The following ZNF333 variants were observed in gnomAD, a reference collection of about 807,000 sequenced individuals.
ZNF333 encodes the protein zinc finger protein 333.
In ZNF333, 61 loss-of-function variants were observed where a neutral mutation model predicts 76.1. The observed-to-expected ratio is 0.80, with a 90% CI of 0.65 to 0.99. The LOEUF is 0.99. Ranked by LOEUF, ZNF333 falls within the 50% of genes least tolerant of loss-of-function variation. The pLI, the probability that ZNF333 is intolerant of heterozygous loss-of-function variation, is 0.00. For synonymous variants in ZNF333, 284 were observed against 305.0 expected, an observed-to-expected ratio of 0.93 and a Z score of 0.72; for missense variants, 717 against 822.4, an observed-to-expected ratio of 0.87 and a Z score of 1.57.
chr19:14,726,399 C>T (rs181568169), downstream of ZNF333, among the ~76,000 whole-genome samples: 60 of 152,274 alleles, frequency 3.9e-4, no homozygotes, highest in African/African-American at 1.3e-3. Context: ...CTTTTAGTCA[C>T]GTTAGTCTCT....
chr19:14,733,597 AAC>A (rs1057219292), exon 12 of ZNF333: 11 of 152,212 alleles, frequency 7.2e-5, no homozygotes, highest in African/African-American at 2.7e-4. Flanking sequence ...CAACAAAAAA[AAC>A]ACAGAAGCAG....
chr19:14,711,412 T>C (rs2042271211), intron 7 of ZNF333, among the ~76,000 whole-genome samples: 2 of 151,802 alleles, frequency 1.3e-5, no homozygotes, highest in South Asian at 4.1e-4. Context: ...TTAAAACACA[T>C]AGAGGCCAGC....
chr19:14,722,605 G>A (rs2147034922), downstream of ZNF333, among the ~76,000 whole-genome samples: 1 of 152,268 alleles, frequency 6.6e-6, no homozygotes, highest in Non-Finnish European at 1.5e-5. Context: ...AGAAGTCTAA[G>A]ATTTTGGTGT....
At chr19:14,691,156 T>C (rs116840019) in intron 1 of ZNF333, among the ~76,000 whole-genome samples, 9 of 152,324 alleles carry the variant, frequency 5.9e-5, no homozygotes, top group African/African-American at 2.2e-4. Context: ...TTTCTTTATT[T>C]TCTATGTTTG....
chr19:14,718,267 G>T lies in ZNF333; in HGVS notation c.940G>T (p.Glu314Ter). The change falls in exon 12 of 12, where the codon GAA becomes TAA. Residue 314 changes from glutamate (E) to a stop codon, truncating the protein, a stop_gained. Transcript: ENST00000292530. LOFTEE classifies it high-confidence loss of function. ...QPGEKLYKYN[E>*]LEKPFNSIEP... ...TGGAGAAAAACTCTATAAATATAAT[G>T]AACTTGAGAAACCTTTTAACAGCAT... 2 of 1,613,604 alleles carry T rather than the reference G, an allele frequency of 1.2e-6. No individual in the cohort carries two copies. The highest frequency in any genetic ancestry group is 1.7e-6 in the Non-Finnish European group (2 of 1,179,822).
rs144992015 is a variant in ZNF333, at chr19:14,704,528, A to G, written c.307-526A>G. Among the ~76,000 whole-genome samples, 1,270 of 152,286 alleles carry G rather than the reference A, an allele frequency of 8.3e-3. 13 individuals are homozygous for G. Among genetic ancestry groups the G allele is most frequent in the Non-Finnish European group, 0.013 (907 of 68,018 alleles). On this transcript the variant is annotated intron_variant, in intron 5 of 11. Transcript: ENST00000292530. ...ATAAAGACATACCCGAGACTGGGCA[A>G]TTTACAAAAGAGAAAGGTTTAATTG...
intron 4 of ZNF333, 125 bp downstream of exon 4, chr19:14,695,786 G>A (rs1973135556): frequency 5.4e-6 from 4 of 737,526 alleles, no homozygotes; most frequent in South Asian, 3.2e-5. Flanking sequence ...TCGGAGTGAG[G>A]TTTCTCAAGT....
chr19:14,717,142 C>T, intron 10 of ZNF333, 53 bp downstream of exon 10: 3 of 1,498,766 alleles, frequency 2.0e-6, no homozygotes, highest in East Asian at 4.8e-5. Context: ...AGGGGAGTGT[C>T]CAGTTTGGAA....
intron 7 of ZNF333, among the ~76,000 whole-genome samples, chr19:14,714,321 T>A (rs561388574): frequency 6.6e-6 from 1 of 152,112 alleles, no homozygotes; most frequent in East Asian, 1.9e-4. Context: ...TGTGTCCTTA[T>A]GAGAAGAGGA....
At chr19:14,715,038 CGT>C (rs5827254) in intron 7 of ZNF333, 4,036 of 170,090 alleles carry the variant, frequency 0.024, 112 homozygotes, top group African/African-American at 0.076. Flanking sequence ...TGAAGGCGTG[CGT>C]GTGTGTGTGT....
At chr19:14,706,645 G>A (rs778509789) in intron 6 of ZNF333, 41 bp from the exon 7 acceptor site, 4 of 1,566,946 alleles carry the variant, frequency 2.6e-6, no homozygotes. Context: ...GGCCCCCTCA[G>A]CTTCTTGACT....
chr19:14,729,412 G>A (rs574974875), intron 11 of ZNF333, among the ~76,000 whole-genome samples: 1 of 152,064 alleles, frequency 6.6e-6, no homozygotes, highest in South Asian at 2.1e-4. Context: ...AGGTTGGAGT[G>A]CAGTGGTGTG....
At chr19:14,717,268 T>G (rs1239317791) in intron 10 of ZNF333, 179 bp downstream of exon 10, 2 of 570,742 alleles carry the variant, frequency 3.5e-6, no homozygotes, top group East Asian at 5.9e-5. Context: ...TCTCTAAAAC[T>G]TTGCATTCAT....
intron 1 of ZNF333, among the ~76,000 whole-genome samples, chr19:14,693,001 A>G (rs1247865714): frequency 6.6e-6 from 1 of 151,050 alleles, no homozygotes; most frequent in Admixed American, 6.6e-5. Context: ...TAATTTTTGT[A>G]TTTTTAGTAG....
At chr19:14,723,892 C>T (rs1260062324), downstream of ZNF333, among the ~76,000 whole-genome samples, 4 of 152,230 alleles carry the variant, frequency 2.6e-5, no homozygotes, top group African/African-American at 9.6e-5. Flanking sequence ...ATGAAATAGC[C>T]TTTGTTATTA....
intron 10 of ZNF333, chr19:14,717,342 A>G: frequency 1.9e-6 from 1 of 534,960 alleles, no homozygotes; most frequent in Non-Finnish European, 3.3e-6. Flanking sequence ...TATTTTATCC[A>G]TTTCCTCCCC....
chr19:14,725,230 A>T (rs906365042), downstream of ZNF333, among the ~76,000 whole-genome samples: 5 of 152,232 alleles, frequency 3.3e-5, no homozygotes, highest in African/African-American at 1.2e-4. Context: ...AACTGACAGC[A>T]CCATGGGGAT....
intron 7 of ZNF333, chr19:14,708,386 G>C (rs1599727676): frequency 2.5e-6 from 1 of 401,274 alleles, no homozygotes; most frequent in East Asian, 3.6e-5. Context: ...CAGTCACAAA[G>C]AAAACACCGA....
At chr19:14,716,934 G>A in intron 9 of ZNF333, 60 bp from the exon 10 acceptor site, 1 of 1,482,716 alleles carries the variant, frequency 6.7e-7, no homozygotes, top group Non-Finnish European at 9.2e-7. Flanking sequence ...GAGAATATCG[G>A]CCCTGGTGTC....
Sources: gnomAD v4.1 joint callset for allele counts (sites outside exome capture counted in the v4.1 genomes callset) on GRCh38, gnomAD v4.1.1 for gene constraint, MANE v1.5 for transcripts, NCBI Gene and HGNC (gene_info 2026-07-23, HGNC 2026-07-21) for gene names.